The following FBN2 variants were observed in gnomAD, a reference collection of about 807,000 sequenced individuals.
FBN2 encodes fibrillin-2.
A neutral mutation model predicts 355.6 loss-of-function variants in FBN2; 105 were observed. The observed-to-expected ratio is 0.30, with a 90% CI of 0.25 to 0.35. The LOEUF (loss-of-function observed/expected upper bound fraction) is 0.35. Among genes scored for constraint, FBN2 ranks in the 10% least tolerant of loss-of-function variants. The pLI, the probability that FBN2 is intolerant of heterozygous loss-of-function variation, is 1.00. For synonymous variants in FBN2, 1,350 were observed against 1,301.2 expected (o/e 1.04, Z -0.81); for missense variants, 3,280 against 3,758.7 (o/e 0.87, Z 3.33).
intron 6 of FBN2, among the ~76,000 whole-genome samples, chr5:128,448,006 C>G (rs910783753): frequency 6.6e-6 from 1 of 152,188 alleles, no homozygotes; most frequent in Non-Finnish European, 1.5e-5. Context: ...ATCATGGGCA[C>G]TTGGTTTATC....
intron 5 of FBN2, among the ~76,000 whole-genome samples, chr5:128,516,997 T>C (rs1224312634): frequency 2.6e-5 from 4 of 152,172 alleles, no homozygotes; most frequent in African/African-American, 9.6e-5. Flanking sequence ...GAGTAGTAAG[T>C]AATAAGACTT....
intron 20 of FBN2, among the ~76,000 whole-genome samples, chr5:128,353,569 T>C (rs1281518172): frequency 2.0e-5 from 3 of 152,228 alleles, no homozygotes; most frequent in African/African-American, 4.8e-5. Flanking sequence ...AGCTACTGTG[T>C]ATTTAAATGA....
intron 55 of FBN2, among the ~76,000 whole-genome samples, chr5:128,283,351 T>C (rs140090218): frequency 1.3e-5 from 2 of 152,354 alleles, no homozygotes; most frequent in African/African-American, 4.8e-5. Context: ...TCCTCATCAC[T>C]GATTGTTTCC....
At chr5:128,355,202 A>G (rs540199848) in intron 20 of FBN2, among the ~76,000 whole-genome samples, 2 of 152,354 alleles carry the variant, frequency 1.3e-5, no homozygotes, top group South Asian at 4.1e-4. Flanking sequence ...AAGGTGAGGA[A>G]TGAGAATAGA....
At chr5:128,316,810 GA>G (rs1750213138) in intron 36 of FBN2, among the ~76,000 whole-genome samples, 1 of 152,036 alleles carries the variant, frequency 6.6e-6, no homozygotes, top group Non-Finnish European at 1.5e-5. Context: ...TCTCTTTTAT[GA>G]GCTGCCTGTT....
intron 6 of FBN2, among the ~76,000 whole-genome samples, chr5:128,456,059 G>A (rs1754386360): frequency 6.8e-6 from 1 of 147,042 alleles, no homozygotes; most frequent in Non-Finnish European, 1.5e-5. Context: ...CTGGGCACGG[G>A]GAAGGGCTGC....
At position 128,258,895 on chromosome 5, in the gene FBN2, G is replaced by A. The variant is rs1052059980; in HGVS notation, c.*560C>T. 6.4e-6 allele frequency: 1 copy of A among 156,668 alleles called. No homozygotes were observed. The highest frequency in any genetic ancestry group is 2.4e-5 in the African/African-American group (1 of 41,424). The allele number at this position is 156,668 out of a possible 1,614,324, so 9.7% of individuals were successfully genotyped here. A position where few individuals can be genotyped will look rare whatever the true frequency, so the allele number is the denominator to read the frequency against. On this transcript the variant is annotated 3_prime_UTR_variant, in exon 65 of 65. Transcript: ENST00000262464. The stretch of plus-strand genomic sequence containing the variant: ...AAAATCATCAGGTGTGTATCAGCTG[G>A]ATGACTGGCAGAAAACCAAAGGAAA...
At chr5:128,420,159 G>A (rs982468777) in intron 7 of FBN2, among the ~76,000 whole-genome samples, 2 of 152,016 alleles carry the variant, frequency 1.3e-5, no homozygotes, top group Non-Finnish European at 2.9e-5. Context: ...ACTTGGGAGA[G>A]AGTCTACCAA....
intron 25 of FBN2, among the ~76,000 whole-genome samples, chr5:128,340,455 T>C (rs887490883): frequency 1.3e-5 from 2 of 152,254 alleles, no homozygotes; most frequent in African/African-American, 2.4e-5. Flanking sequence ...ACAGAATTTA[T>C]TGATTCAATT....
chr5:128,470,345 A>C (rs547530306), intron 5 of FBN2, among the ~76,000 whole-genome samples: 1 of 152,334 alleles, frequency 6.6e-6, no homozygotes, highest in South Asian at 2.1e-4. Context: ...GAGAGAGTTA[A>C]GGAACTGGCT....
intron 7 of FBN2, among the ~76,000 whole-genome samples, chr5:128,438,748 C>T (rs1753841455): frequency 6.6e-6 from 1 of 152,096 alleles, no homozygotes; most frequent in South Asian, 2.1e-4. Context: ...AAAAAAACTG[C>T]CAAATAAATG....
chr5:128,365,022 G>A (rs1193892618), intron 17 of FBN2: 3 of 276,410 alleles, frequency 1.1e-5, no homozygotes, highest in Non-Finnish European at 2.1e-5. Context: ...ACAATTTATA[G>A]GCTGTTGGCT....
intron 5 of FBN2, among the ~76,000 whole-genome samples, chr5:128,470,438 G>A (rs1039400811): frequency 1.4e-4 from 22 of 152,156 alleles, no homozygotes; most frequent in African/African-American, 5.1e-4. Flanking sequence ...GAGTCTGGTA[G>A]GGGGTTTGGG....
At chr5:128,341,293 G>C (rs1165199280) in intron 25 of FBN2, among the ~76,000 whole-genome samples, 1 of 152,196 alleles carries the variant, frequency 6.6e-6, no homozygotes, top group Admixed American at 6.5e-5. Flanking sequence ...TATACCAGTG[G>C]AAGTTGTTCA....
intron 5 of FBN2, among the ~76,000 whole-genome samples, chr5:128,487,850 A>G (rs1318661185): frequency 6.6e-6 from 1 of 152,204 alleles, no homozygotes; most frequent in Non-Finnish European, 1.5e-5. Flanking sequence ...TATAAACTAT[A>G]TATTTCACAT....
At chr5:128,416,167 A>G (rs1054626358) in intron 7 of FBN2, among the ~76,000 whole-genome samples, 2 of 152,058 alleles carry the variant, frequency 1.3e-5, no homozygotes, top group Non-Finnish European at 2.9e-5. Flanking sequence ...CTAGGATTAC[A>G]GGCATGTACC....
At chr5:128,443,496 A>AT in intron 7 of FBN2, among the ~76,000 whole-genome samples, 1 of 152,334 alleles carries the variant, frequency 6.6e-6, no homozygotes, top group Non-Finnish European at 1.5e-5. Context: ...GTCCTGAAGG[A>AT]TCTCATTCAA....
intron 35 of FBN2, among the ~76,000 whole-genome samples, 173 bp from the exon 36 acceptor site, chr5:128,318,444 C>T (rs1581212292): frequency 6.6e-6 from 1 of 152,004 alleles, no homozygotes; most frequent in African/African-American, 2.4e-5. Context: ...AAACAGGTTC[C>T]ATACATCAAG....
Position 128,336,084 on chromosome 5 carries a change from G to T in FBN2, c.3628C>A (p.Leu1210Ile). The T allele has an allele frequency of 6.2e-7, 1 of 1,613,368 alleles. No individual in the cohort carries two copies. The highest frequency in any genetic ancestry group is 1.3e-5 in the African/African-American group (1 of 75,036). Residue 1210 changes from leucine to isoleucine, a missense_variant, in exon 28 of 65, where the codon CTC (leucine) becomes ATC (isoleucine). By Grantham distance (5) the Leu-to-Ile change is conservative. Around this residue, in one of 6 missense-constraint regions of FBN2, gnomAD observed 2,284 missense variants for 2,749.5 expected, o/e 0.83. Coordinates refer to ENST00000262464, the MANE Select transcript of FBN2 (RefSeq NM_001999.4). Reference protein sequence around the residue: ...DINECSLSDNLCRNGKCVNMI... With the variant: ...DINECSLSDNICRNGKCVNMI... ...TTCACACATTTTCCATTTCTGCAGA[G>T]ATTGTCACTCAGGGAGCATTCATTA...
Sources: gnomAD v4.1 joint callset for allele counts (sites outside exome capture counted in the v4.1 genomes callset) on GRCh38, gnomAD v4.1.1 for gene constraint, gnomAD v4.1.1 regional missense constraint, MANE v1.5 for transcripts, NCBI Gene and HGNC (gene_info 2026-07-23, HGNC 2026-07-21) for gene names.